Variants in NTN1 observed in about 807,000 individuals in gnomAD.
NTN1 encodes the protein netrin-1.
A neutral mutation model predicts 54.2 loss-of-function variants in NTN1; 11 were observed. The observed-to-expected ratio is 0.20, with a 90% CI of 0.13 to 0.34. NTN1 has a LOEUF of 0.34. Among genes scored for constraint, NTN1 ranks in the 10% least tolerant of loss-of-function variants. The pLI, the probability that NTN1 is intolerant of heterozygous loss-of-function variation, is 1.00. For missense variants in NTN1, 740 were observed against 893.1 expected, an observed-to-expected ratio of 0.83 and a Z score of 2.18; for synonymous variants, 371 against 382.0, an observed-to-expected ratio of 0.97 and a Z score of 0.33.
intron 5 of NTN1, among the ~76,000 whole-genome samples, chr17:9,217,681 AC>A (rs140640260): frequency 0.019 from 2,879 of 152,158 alleles, 80 homozygotes; most frequent in African/African-American, 0.061. Context: ...TATTCACTTT[AC>A]CTAAGGGAGA....
intron 2 of NTN1, among the ~76,000 whole-genome samples, chr17:9,112,336 A>G (rs2092194532): frequency 6.6e-6 from 1 of 152,174 alleles, no homozygotes; most frequent in South Asian, 2.1e-4. Flanking sequence ...ATTCGTTACA[A>G]TTTGTGTAAC....
At chr17:9,155,186 A>G (rs527476875) in intron 2 of NTN1, among the ~76,000 whole-genome samples, 1 of 152,110 alleles carries the variant, frequency 6.6e-6, no homozygotes, top group African/African-American at 2.4e-5. Context: ...TTACTAGACC[A>G]CTGTCCATCT....
chr17:9,050,161 G>A (rs1240176351), intron 2 of NTN1, among the ~76,000 whole-genome samples: 3 of 151,214 alleles, frequency 2.0e-5, no homozygotes, highest in Non-Finnish European at 3.0e-5. Flanking sequence ...GCAGGAGAAT[G>A]GCATGAACCT....
intron 2 of NTN1, among the ~76,000 whole-genome samples, chr17:9,051,008 C>T (rs993745362): frequency 2.6e-5 from 4 of 152,116 alleles, no homozygotes; most frequent in Non-Finnish European, 5.9e-5. Flanking sequence ...ATCGAAGCCC[C>T]CTGTCCTGTT....
At chr17:9,210,622 C>T (rs543467271) in intron 5 of NTN1, among the ~76,000 whole-genome samples, 18 of 152,276 alleles carry the variant, frequency 1.2e-4, no homozygotes, top group Admixed American at 5.2e-4. Flanking sequence ...CTAAGAAGAG[C>T]CTCACCTCGG....
At chr17:9,048,521 G>A (rs576158624) in intron 2 of NTN1, among the ~76,000 whole-genome samples, 38 of 152,236 alleles carry the variant, frequency 2.5e-4, no homozygotes, top group Middle Eastern at 6.8e-3. Flanking sequence ...CTCACCTGCT[G>A]TATTAGCCCC....
intron 2 of NTN1, among the ~76,000 whole-genome samples, chr17:9,051,517 A>G (rs116244928): frequency 0.01 from 1,530 of 152,290 alleles, 27 homozygotes; most frequent in African/African-American, 0.032. Context: ...GTGCCGGGCT[A>G]GTTTTCTTAA....
At chr17:9,144,042 C>T (rs376169477) in intron 2 of NTN1, among the ~76,000 whole-genome samples, 2 of 152,012 alleles carry the variant, frequency 1.3e-5, no homozygotes, top group Non-Finnish European at 2.9e-5. Context: ...ATTACAGGCA[C>T]GCACCACCAT....
At chr17:9,012,633 T>G in the NTN1 span, among the ~76,000 whole-genome samples, 26 of 152,264 alleles carry the variant, frequency 1.7e-4, no homozygotes, top group Non-Finnish European at 1.0e-4. Flanking sequence ...TCCCCAGAGC[T>G]TCCTTCCTCA....
At chr17:9,205,538 A>G (rs1904943360) in intron 5 of NTN1, among the ~76,000 whole-genome samples, 2 of 152,356 alleles carry the variant, frequency 1.3e-5, no homozygotes, top group Admixed American at 1.3e-4. Flanking sequence ...AAGTAGGATC[A>G]TTGGAGCCCA....
intron 6 of NTN1, among the ~76,000 whole-genome samples, chr17:9,231,292 A>G (rs1905800274): frequency 9.3e-6 from 1 of 107,640 alleles, no homozygotes; most frequent in Non-Finnish European, 2.3e-5. Flanking sequence ...ACCATGGGGT[A>G]CCCGGGGGGG....
intron 2 of NTN1, among the ~76,000 whole-genome samples, chr17:9,115,476 G>T (rs971697135): frequency 1.3e-5 from 2 of 152,250 alleles, no homozygotes; most frequent in African/African-American, 4.8e-5. Flanking sequence ...GGCTGGACCA[G>T]TGTCCTCATC....
intron 6 of NTN1, among the ~76,000 whole-genome samples, chr17:9,229,330 C>T (rs1263175610): frequency 4.6e-5 from 7 of 152,170 alleles, no homozygotes; most frequent in South Asian, 4.1e-4. Context: ...TATTCCCTCC[C>T]GCTGCTGGGA....
intron 2 of NTN1, among the ~76,000 whole-genome samples, chr17:9,077,356 G>A (rs2092054353): frequency 1.3e-5 from 2 of 152,142 alleles, no homozygotes; most frequent in Admixed American, 1.3e-4. Context: ...AGAGGTGAGA[G>A]GGAAGGCATC....
At chr17:9,216,628 C>G (rs2142351356) in intron 5 of NTN1, among the ~76,000 whole-genome samples, 1 of 152,378 alleles carries the variant, frequency 6.6e-6, no homozygotes, top group South Asian at 2.1e-4. Context: ...GCGCACAGCT[C>G]TGTCTTCAGC....
intron 2 of NTN1, among the ~76,000 whole-genome samples, chr17:9,069,135 G>A (rs8072210): frequency 0.039 from 5,979 of 152,034 alleles, 397 homozygotes; most frequent in African/African-American, 0.14. Context: ...AGTACCAGGA[G>A]CACTGTATTG....
intron 2 of NTN1, among the ~76,000 whole-genome samples, chr17:9,146,337 C>A (rs2142284801): frequency 6.6e-6 from 1 of 152,346 alleles, no homozygotes; most frequent in Non-Finnish European, 1.5e-5. Context: ...ACTGCCCCAG[C>A]TTTGAAGGCT....
At chr17:9,058,790 A>T (rs2091987393) in intron 2 of NTN1, among the ~76,000 whole-genome samples, 1 of 151,990 alleles carries the variant, frequency 6.6e-6, no homozygotes, top group African/African-American at 2.4e-5. Flanking sequence ...TTTGAGCCCC[A>T]GGTAACGGGA....
chr17:9,119,570 C>G (rs1349108493), intron 2 of NTN1, among the ~76,000 whole-genome samples: 1 of 152,094 alleles, frequency 6.6e-6, no homozygotes, highest in Non-Finnish European at 1.5e-5. Context: ...GCAGTCATGG[C>G]TCACTGCAGC....
Sources: gnomAD v4.1 joint callset for allele counts (sites outside exome capture counted in the v4.1 genomes callset) on GRCh38, gnomAD v4.1.1 for gene constraint, MANE v1.5 for transcripts, NCBI Gene and HGNC (gene_info 2026-07-23, HGNC 2026-07-21) for gene names.